The following STPG2 variants were observed in gnomAD, a reference collection of about 807,000 sequenced individuals.
STPG2 encodes sperm tail PG-rich repeat containing 2, also known as sperm-tail PG-rich repeat-containing protein 2.
Under a neutral mutation model 54.2 loss-of-function variants are expected in STPG2, and 56 were observed. The observed-to-expected ratio is 1.03, with a 90% CI of 0.83 to 1.29. The LOEUF is 1.29. Ranked by LOEUF, STPG2 falls within the 50% of genes most tolerant of loss-of-function variation. STPG2 has a pLI of 0.00. For missense variants in STPG2, 596 were observed against 544.9 expected (o/e 1.09, Z -0.93); for synonymous variants, 200 against 181.8 (o/e 1.10, Z -0.81).
chr4:97,632,755 G>A (rs1344936491), intron 10 of STPG2, among the ~76,000 whole-genome samples: 1 of 152,162 alleles, frequency 6.6e-6, no homozygotes, highest in Non-Finnish European at 1.5e-5. Context: ...ACCAGGAAGG[G>A]AAGTGGAAAT....
intron 4 of STPG2, among the ~76,000 whole-genome samples, chr4:97,482,241 GA>G (rs940911825): frequency 4.0e-5 from 6 of 150,764 alleles, no homozygotes; most frequent in South Asian, 2.1e-4. Context: ...AACAGTTTTT[GA>G]AAAAAAAGTT....
intron 10 of STPG2, among the ~76,000 whole-genome samples, chr4:97,608,879 C>T (rs1733659885): frequency 6.6e-6 from 1 of 152,012 alleles, no homozygotes; most frequent in Non-Finnish European, 1.5e-5. Flanking sequence ...ATGTCGCTCT[C>T]ATGAATTTCA....
chr4:97,831,567 AAATC>A (rs1464172858), intron 9 of STPG2, among the ~76,000 whole-genome samples: 2 of 152,174 alleles, frequency 1.3e-5, no homozygotes, highest in Non-Finnish European at 2.9e-5. Context: ...ACCTTTCAAA[AAATC>A]AATGAATCCA....
Position 97,729,063 on chromosome 4 carries a change from TTCTCTCTCTC to T in STPG2, c.1205-16259_1205-16250del, listed in dbSNP as rs57186071. The stretch of plus-strand genomic sequence containing the variant: ...CCACTGATGACAAGGCCCCAAGAAT[TTCTCTCTCTC>T]TCTCTCTCTCTCTCTCTCTCTCTCA... On this transcript the variant is annotated intron_variant, in intron 9 of 10. Coordinates refer to ENST00000295268, the MANE Select transcript of STPG2 (RefSeq NM_174952.3). Among the ~76,000 whole-genome samples, 544 of 124,920 alleles carry T rather than the reference TTCTCTCTCTC, an allele frequency of 4.4e-3. 5 individuals carry two copies. Among genetic ancestry groups the T allele is most frequent in the Admixed American group, 6.8e-3 (75 of 11,026 alleles). The allele number at this position is 124,920 out of a possible 152,430, so 82.0% of individuals were successfully genotyped here. A position where few individuals can be genotyped will look rare whatever the true frequency, so the allele number is the denominator to read the frequency against.
In STPG2 at chr4:97,667,630, A is replaced by AT. The variant is rs1341104649; in HGVS notation, c.1320+45068dup. ...ATGGCACAAAAAAACTCATATTGAG[A>AT]TTTTTTTCAAACTCTTCCTTCCTTA... is the stretch of plus-strand genomic sequence containing the variant. On this transcript the variant is annotated intron_variant, in intron 10 of 10. Transcript: ENST00000295268. Among the ~76,000 whole-genome samples the AT allele has an allele frequency of 2.0e-5, 3 of 152,280 alleles. No homozygotes were observed. The East Asian group carries it at 5.8e-4, about 29-fold the overall frequency.
chr4:98,091,350 C>T (rs945718053), intron 5 of STPG2, among the ~76,000 whole-genome samples: 4 of 152,022 alleles, frequency 2.6e-5, no homozygotes, highest in Non-Finnish European at 1.5e-5. Context: ...AAAATGTTTA[C>T]CGGCCCAAAA....
intron 8 of STPG2, among the ~76,000 whole-genome samples, chr4:97,895,840 A>T (rs1462828622): frequency 6.6e-6 from 1 of 151,786 alleles, no homozygotes; most frequent in African/African-American, 2.4e-5. Context: ...GGTTTATAAA[A>T]TAATTCCCTT....
rs530364285 is a variant in STPG2, at chr4:97,943,772, C to T, written c.1044+125G>A. On this transcript the variant is annotated intron_variant, in intron 8 of 10. Coordinates refer to ENST00000295268, the MANE Select transcript of STPG2 (RefSeq NM_174952.3). ...ACTTTAAAAATATAAAAGTATCGGT[C>T]TAGCCAAGGAGGTTACAGCACGCTA... The T allele has an allele frequency of 1.7e-5, 10 of 602,618 alleles. No homozygotes were observed. The East Asian group carries it at 3.2e-4, about 19-fold the overall frequency. 37.3% of individuals were successfully genotyped at this position (602,618 alleles called of 1,614,324 possible).
At position 97,603,091 on chromosome 4, in the gene STPG2, T is replaced by C. The variant is rs1293501480; in HGVS notation, c.1321-43974A>G. ...TCTGATAAGGAGTTTGTGTCCAGAA[T>C]ATATAAAAACTTTTAAAACTCAACT... is the stretch of plus-strand genomic sequence containing the variant. On this transcript the variant is annotated intron_variant, in intron 10 of 10. Transcript: ENST00000295268. Among the ~76,000 whole-genome samples the C allele has an allele frequency of 2.0e-5, 3 of 151,622 alleles. No individual in the cohort carries two copies. The East Asian group carries it at 5.8e-4, about 29-fold the overall frequency.
At chr4:97,677,567 A>C (rs548620508) in intron 10 of STPG2, among the ~76,000 whole-genome samples, 43 of 152,328 alleles carry the variant, frequency 2.8e-4, no homozygotes, top group Admixed American at 7.2e-4. Context: ...AGTACTGGCC[A>C]TTAGCAAGTA....
chr4:97,458,039 CAT>C (rs1449996832), intron 4 of STPG2, among the ~76,000 whole-genome samples: 1 of 152,152 alleles, frequency 6.6e-6, no homozygotes, highest in East Asian at 1.9e-4. Flanking sequence ...TCTCTTAAAT[CAT>C]GTGCAAGTGG....
At chr4:97,971,033 G>A (rs1233936819) in intron 7 of STPG2, among the ~76,000 whole-genome samples, 1 of 152,186 alleles carries the variant, frequency 6.6e-6, no homozygotes, top group Admixed American at 6.5e-5. Flanking sequence ...AGACAGTAAT[G>A]CAGCCAACAG....
At chr4:97,703,988 T>A (rs115547758) in intron 10 of STPG2, among the ~76,000 whole-genome samples, 3,391 of 151,946 alleles carry the variant, frequency 0.022, 62 homozygotes, top group Non-Finnish European at 0.033. Flanking sequence ...GAGAAAGATA[T>A]AGGCTGTGAG....
intron 7 of STPG2, among the ~76,000 whole-genome samples, chr4:97,967,185 C>CAAAAA (rs58042990): frequency 1.9e-5 from 2 of 107,194 alleles, no homozygotes; most frequent in Non-Finnish European, 1.8e-5. Context: ...AAATGGTAAG[C>CAAAAA]AAAAAAAAAA....
chr4:97,849,219 C>A (rs1023019441), intron 8 of STPG2, among the ~76,000 whole-genome samples: 1 of 150,208 alleles, frequency 6.7e-6, no homozygotes, highest in Non-Finnish European at 1.5e-5. Context: ...CCTTCACATC[C>A]CTTGTAAGTT....
intron 4 of STPG2, among the ~76,000 whole-genome samples, chr4:97,542,321 G>T (rs1265194572): frequency 6.6e-6 from 1 of 152,028 alleles, no homozygotes; most frequent in African/African-American, 2.4e-5. Context: ...TATGTACAGA[G>T]ACTTCTCAAA....
chr4:97,545,938 G>A (rs1052931086), intron 4 of STPG2, among the ~76,000 whole-genome samples: 2 of 151,954 alleles, frequency 1.3e-5, no homozygotes, highest in Non-Finnish European at 2.9e-5. Flanking sequence ...ACTACCTAGA[G>A]GCAATAAAAA....
At chr4:97,485,950 C>T (rs951562081) in intron 4 of STPG2, among the ~76,000 whole-genome samples, 2 of 151,796 alleles carry the variant, frequency 1.3e-5, no homozygotes, top group Non-Finnish European at 2.9e-5. Context: ...TGAAAAGACA[C>T]CCTTTTCAAC....
chr4:97,537,934 G>T (rs1381363733), intron 4 of STPG2, among the ~76,000 whole-genome samples: 1 of 152,098 alleles, frequency 6.6e-6, no homozygotes, highest in Non-Finnish European at 1.5e-5. Context: ...AGGCAAACAG[G>T]GTCTGGAGTG....
Sources: gnomAD v4.1 joint callset for allele counts (sites outside exome capture counted in the v4.1 genomes callset) on GRCh38, gnomAD v4.1.1 for gene constraint, MANE v1.5 for transcripts, NCBI Gene and HGNC (gene_info 2026-07-23, HGNC 2026-07-21) for gene names.